Variants in SLC1A3 observed in about 807,000 individuals in gnomAD.
SLC1A3 encodes the protein solute carrier family 1 member 3.
SLC1A3 carries 21 observed loss-of-function variants against 48.1 expected under a neutral mutation model. The ratio of observed to expected loss-of-function variants is 0.44; its 90% CI spans 0.31 to 0.63. The LOEUF is 0.63. Among genes scored for constraint, SLC1A3 ranks in the 20% least tolerant of loss-of-function variants. The pLI is 0.08. For synonymous variants in SLC1A3, 239 were observed against 251.4 expected (o/e 0.95, Z 0.47); for missense variants, 546 against 689.0 (o/e 0.79, Z 2.32).
At chr5:36,607,383 G>T (rs1738995556) in intron 1 of SLC1A3, 1 of 152,142 alleles carries the variant, frequency 6.6e-6, no homozygotes, top group South Asian at 2.1e-4. Flanking sequence ...GCACCAGGAG[G>T]AATCCCTTGA....
At position 36,676,896 on chromosome 5, in the gene SLC1A3, A is replaced by T; in HGVS notation, c.572A>T (p.Lys191Ile). 1 of 1,612,446 alleles carries T rather than the reference A, an allele frequency of 6.2e-7. No homozygotes were observed. Among genetic ancestry groups the T allele is most frequent in the Non-Finnish European group, 8.5e-7 (1 of 1,179,000 alleles). The change falls in exon 6 of 10, where the codon AAA (lysine) becomes ATA (isoleucine). Residue 191 changes from lysine (K) to isoleucine (I), a missense_variant. Physicochemically the swap from Lys to Ile is moderately radical, Grantham distance 102. This residue lies in a region of SLC1A3 where 348 missense variants were observed against 392.0 expected (regional missense o/e 0.89). Transcript: ENST00000265113. Reference protein sequence around the residue: ...NLVEACFKQFKTNYEKRSFKV... With the variant: ...NLVEACFKQFITNYEKRSFKV... ...GTTGTGCTTTTTATTTTTAAGTTTAAAACCAACTATGAGAAGAGAAGCTTT... is the reference window on the plus strand; with the variant it reads ...GTTGTGCTTTTTATTTTTAAGTTTATAACCAACTATGAGAAGAGAAGCTTT...
chr5:36,633,867 C>T (rs1162954709), intron 3 of SLC1A3, among the ~76,000 whole-genome samples: 2 of 152,160 alleles, frequency 1.3e-5, no homozygotes, highest in Non-Finnish European at 2.9e-5. Context: ...AAAATGGAAA[C>T]CTCCTATTAC....
At chr5:36,601,220 C>T (rs569746404) in intron 1 of SLC1A3, among the ~76,000 whole-genome samples, 4 of 152,238 alleles carry the variant, frequency 2.6e-5, no homozygotes, top group Non-Finnish European at 5.9e-5. Context: ...AGATTCATGT[C>T]ATCACTGTGC....
chr5:36,613,182 A>G (rs535427172), intron 2 of SLC1A3: 1 of 226,298 alleles, frequency 4.4e-6, no homozygotes, highest in African/African-American at 2.3e-5. Flanking sequence ...GCTGCAAATC[A>G]AGATTTAGAA....
At chr5:36,644,447 T>A (rs1383714884) in intron 3 of SLC1A3, among the ~76,000 whole-genome samples, 4 of 152,208 alleles carry the variant, frequency 2.6e-5, no homozygotes, top group Admixed American at 6.5e-5. Context: ...AAAATATGAG[T>A]TTATTTCTTT....
chr5:36,599,056 A>G (rs1329722589), intron 1 of SLC1A3, among the ~76,000 whole-genome samples: 2 of 152,254 alleles, frequency 1.3e-5, no homozygotes, highest in Non-Finnish European at 2.9e-5. Context: ...AATCTAATGT[A>G]TACATAACAC....
intron 3 of SLC1A3, among the ~76,000 whole-genome samples, chr5:36,661,061 C>A (rs1482452331): frequency 6.6e-6 from 1 of 152,122 alleles, no homozygotes; most frequent in Non-Finnish European, 1.5e-5. Context: ...AAAGTGTGGA[C>A]CTGAATTTTT....
At chr5:36,629,699 G>C in intron 3 of SLC1A3, 112 bp downstream of exon 3, 1 of 675,888 alleles carries the variant, frequency 1.5e-6, no homozygotes, top group Non-Finnish European at 2.5e-6. Context: ...CTCTGTTCTA[G>C]AAAAAAAAAA....
chr5:36,605,457 T>TC (rs1465570990), upstream of SLC1A3, among the ~76,000 whole-genome samples: 1 of 152,206 alleles, frequency 6.6e-6, no homozygotes, highest in Admixed American at 6.5e-5. Context: ...CAGTAGCTGT[T>TC]TAAAAGGACA....
chr5:36,612,181 T>C (rs1450348427), intron 2 of SLC1A3, among the ~76,000 whole-genome samples: 2 of 151,770 alleles, frequency 1.3e-5, no homozygotes, highest in Non-Finnish European at 2.9e-5. Context: ...CTGATATTGA[T>C]CTCTCACACA....
chr5:36,618,206 A>C (rs1466839386), intron 2 of SLC1A3, among the ~76,000 whole-genome samples: 1 of 152,168 alleles, frequency 6.6e-6, no homozygotes, highest in Non-Finnish European at 1.5e-5. Flanking sequence ...CCAAAGCTTT[A>C]ATTTGTATGT....
At chr5:36,635,542 A>T (rs569650711) in intron 3 of SLC1A3, among the ~76,000 whole-genome samples, 5 of 152,270 alleles carry the variant, frequency 3.3e-5, no homozygotes, top group South Asian at 2.1e-4. Context: ...CATGGGAGCC[A>T]GCGAGAATTC....
intron 3 of SLC1A3, among the ~76,000 whole-genome samples, chr5:36,633,511 T>C (rs1740215730): frequency 6.6e-6 from 1 of 152,212 alleles, no homozygotes; most frequent in Non-Finnish European, 1.5e-5. Flanking sequence ...CAGCTGTTTA[T>C]TGCGCTTCTA....
At chr5:36,613,661 A>G (rs937569029) in intron 2 of SLC1A3, among the ~76,000 whole-genome samples, 1 of 152,154 alleles carries the variant, frequency 6.6e-6, no homozygotes, top group African/African-American at 2.4e-5. Context: ...TTTCTTCAAC[A>G]CTTCTTGGAA....
chr5:36,597,916 A>C (rs1275396409), intron 1 of SLC1A3, among the ~76,000 whole-genome samples: 2 of 151,994 alleles, frequency 1.3e-5, no homozygotes, highest in African/African-American at 4.8e-5. Context: ...TTATGTTTTC[A>C]TCTCTCTCAT....
intron 3 of SLC1A3, among the ~76,000 whole-genome samples, chr5:36,641,552 TA>T (rs1740619313): frequency 6.6e-6 from 1 of 152,104 alleles, no homozygotes; most frequent in Admixed American, 6.6e-5. Flanking sequence ...ATACCTAAAC[TA>T]CACACTAAAT....
Position 36,685,449 on chromosome 5 carries a change from G to A in SLC1A3, c.1425-616G>A, listed in dbSNP as rs184549710. ...CCGCCACCACGCCTGGCTAATTTTT[G>A]TATTTTTAGTAGAGACGGGTTTCAC... On this transcript the variant is annotated intron_variant, in intron 9 of 9. Transcript: ENST00000265113. 1.8e-3 allele frequency among the ~76,000 whole-genome samples: 279 copies of A among 152,186 alleles called. 1 individual carries two copies. Among genetic ancestry groups the A allele is most frequent in the African/African-American group, 6.6e-3 (272 of 41,514 alleles).
At chr5:36,643,182 G>C (rs1651843) in intron 3 of SLC1A3, among the ~76,000 whole-genome samples, 2 of 152,024 alleles carry the variant, frequency 1.3e-5, no homozygotes, top group Admixed American at 1.3e-4. Context: ...CTTAGGAATA[G>C]AATTGCTGGG....
At position 36,678,839 on chromosome 5, in the gene SLC1A3, C is replaced by G. The variant is rs138722667; in HGVS notation, c.861-788C>G. On this transcript the variant is annotated intron_variant, in intron 6 of 9. Transcript: ENST00000265113. ...GGGGAATAATGACTTCATTAGAACA[C>G]CTATAACCTGATTGCAGTAGTACAT... 9.4e-3 allele frequency among the ~76,000 whole-genome samples: 1,436 copies of G among 152,218 alleles called. 24 individuals are homozygous for G. The highest frequency in any genetic ancestry group is 0.033 in the African/African-American group (1,374 of 41,530).
Sources: gnomAD v4.1 joint callset for allele counts (sites outside exome capture counted in the v4.1 genomes callset) on GRCh38, gnomAD v4.1.1 for gene constraint, gnomAD v4.1.1 regional missense constraint, MANE v1.5 for transcripts, NCBI Gene and HGNC (gene_info 2026-07-23, HGNC 2026-07-21) for gene names.